The following DGKB variants were observed in gnomAD, a reference collection of about 807,000 sequenced individuals.
The protein encoded by DGKB is diacylglycerol kinase beta, also known as 90 kDa diacylglycerol kinase.
Under a neutral mutation model 114.3 loss-of-function variants are expected in DGKB, and 67 were observed. The ratio of observed to expected loss-of-function variants is 0.59; its 90% CI spans 0.48 to 0.72. The LOEUF is 0.72. Among genes scored for constraint, DGKB ranks in the 30% least tolerant of loss-of-function variants. DGKB has a pLI of 0.00. For synonymous variants in DGKB, 398 were observed against 323.1 expected, an observed-to-expected ratio of 1.23 and a Z score of -2.49; for missense variants, 907 against 975.2, an observed-to-expected ratio of 0.93 and a Z score of 0.93.
rs199980162 is a variant in DGKB, at chr7:14,334,011, CA to C, written c.2122+4503del. On this transcript the variant is annotated intron_variant, in intron 23 of 25. Transcript: ENST00000402815. ...AGTGTGCTTGATATATAAGCCAGTA[CA>C]AAATTATTATTAATATTTGGGGGAG... Among the ~76,000 whole-genome samples, 110 of 152,186 alleles carry C rather than the reference CA, an allele frequency of 7.2e-4. 2 individuals are homozygous for C. In the East Asian group the frequency reaches 0.021, roughly 29 times the overall value.
At chr7:14,600,263 C>A (rs1803303505) in intron 17 of DGKB, among the ~76,000 whole-genome samples, 1 of 152,074 alleles carries the variant, frequency 6.6e-6, no homozygotes, top group African/African-American at 2.4e-5. Context: ...GAGGGTAGAG[C>A]CCTCATAACC....
At chr7:14,472,870 A>G (rs557122118) in intron 21 of DGKB, among the ~76,000 whole-genome samples, 1 of 152,292 alleles carries the variant, frequency 6.6e-6, no homozygotes, top group Non-Finnish European at 1.5e-5. Flanking sequence ...GAGATGATTT[A>G]GGGTATCTGG....
At chr7:14,874,391 G>C (rs971357244) in intron 1 of DGKB, among the ~76,000 whole-genome samples, 8 of 151,952 alleles carry the variant, frequency 5.3e-5, no homozygotes, top group Non-Finnish European at 1.2e-4. Context: ...CCACATTTCA[G>C]ATTAATCCAC....
chr7:14,412,754 A>G (rs528931779), intron 21 of DGKB, among the ~76,000 whole-genome samples: 10 of 152,068 alleles, frequency 6.6e-5, no homozygotes, highest in Non-Finnish European at 1.3e-4. Flanking sequence ...AGCTGAGGGA[A>G]GTGGATCACC....
rs186982997 is a variant in DGKB, at chr7:14,306,613, G to C, written c.2122+31902C>G. ...GTACAGTAGATAATTGAAATAAAGTGTTCCCTGCATCCTTTGGCTCTGCGC... is the reference window on the plus strand; with the variant it reads ...GTACAGTAGATAATTGAAATAAAGTCTTCCCTGCATCCTTTGGCTCTGCGC... On this transcript the variant is annotated intron_variant, in intron 23 of 25. Coordinates refer to ENST00000402815, the MANE Select transcript of DGKB (RefSeq NM_001350709.2). Among the ~76,000 whole-genome samples, 237 of 152,044 alleles carry C rather than the reference G, an allele frequency of 1.6e-3. 1 individual carries two copies. The highest frequency in any genetic ancestry group is 5.4e-3 in the African/African-American group (226 of 41,504).
chr7:14,331,777 A>T (rs1350493475), intron 23 of DGKB, among the ~76,000 whole-genome samples: 1 of 152,148 alleles, frequency 6.6e-6, no homozygotes, highest in Non-Finnish European at 1.5e-5. Context: ...ACGTCAGCTC[A>T]TTTATTCTCT....
intron 25 of DGKB, chr7:14,175,862 TG>T (rs1781653334): frequency 6.6e-6 from 1 of 152,222 alleles, no homozygotes; most frequent in African/African-American, 2.4e-5. Flanking sequence ...TGAAGTGCGG[TG>T]GCACAATCTC....
intron 21 of DGKB, among the ~76,000 whole-genome samples, chr7:14,452,703 A>C (rs1177854838): frequency 3.3e-5 from 5 of 152,120 alleles, no homozygotes; most frequent in Non-Finnish European, 5.9e-5. Context: ...GCAAAAAGGA[A>C]ACAACTAATA....
rs1041724464 is a variant in DGKB at position 14,297,361 on chromosome 7, C to G, written c.2122+41154G>C. Among the ~76,000 whole-genome samples, 13 of 152,148 alleles carry G rather than the reference C, an allele frequency of 8.5e-5. 1 individual carries two copies. Among genetic ancestry groups the G allele is most frequent in the Admixed American group, 1.3e-4 (2 of 15,274 alleles). On this transcript the variant is annotated intron_variant, in intron 23 of 25. Transcript: ENST00000402815. The stretch of plus-strand genomic sequence containing the variant: ...CTTCAAAAAGCGTATTCACCACAGT[C>G]AAGTCAGTTGCATCCCTGGGATGCA...
intron 23 of DGKB, among the ~76,000 whole-genome samples, chr7:14,272,364 C>A (rs1269380340): frequency 6.6e-6 from 1 of 151,988 alleles, no homozygotes; most frequent in African/African-American, 2.4e-5. Context: ...TCATTATTAG[C>A]AATACATATA....
At chr7:14,523,223 C>T (rs1215670506) in intron 20 of DGKB, among the ~76,000 whole-genome samples, 3 of 152,254 alleles carry the variant, frequency 2.0e-5, no homozygotes, top group South Asian at 2.1e-4. Context: ...AAACTTTTCT[C>T]GGCAGTCATA....
chr7:14,438,791 A>G (rs897898458), intron 21 of DGKB, among the ~76,000 whole-genome samples: 55 of 152,172 alleles, frequency 3.6e-4, no homozygotes, highest in African/African-American at 1.3e-3. Context: ...TAAAAGAAGC[A>G]GATAATTAAG....
chr7:14,163,217 TGGA>T (rs1784156407), intron 25 of DGKB, among the ~76,000 whole-genome samples: 1 of 152,200 alleles, frequency 6.6e-6, no homozygotes, highest in East Asian at 1.9e-4. Context: ...GCAAATTAAT[TGGA>T]AATTAGTCAC....
At chr7:14,260,074 C>A (rs1796528183) in intron 23 of DGKB, among the ~76,000 whole-genome samples, 1 of 142,310 alleles carries the variant, frequency 7.0e-6, no homozygotes, top group African/African-American at 2.7e-5. Context: ...ACATATACAT[C>A]CCTACATATG....
At chr7:14,956,290 G>A (rs1421144749) in intron 1 of DGKB, among the ~76,000 whole-genome samples, 1 of 151,878 alleles carries the variant, frequency 6.6e-6, no homozygotes, top group African/African-American at 2.4e-5. Context: ...AAACCAGAAT[G>A]AATCTTGCCC....
At chr7:14,793,494 C>T (rs569540088) in intron 2 of DGKB, among the ~76,000 whole-genome samples, 6 of 152,196 alleles carry the variant, frequency 3.9e-5, no homozygotes, top group African/African-American at 1.4e-4. Flanking sequence ...GCTCCTGAGC[C>T]TCAGGATCTT....
intron 22 of DGKB, among the ~76,000 whole-genome samples, chr7:14,341,617 A>T (rs1356859215): frequency 6.6e-6 from 1 of 151,942 alleles, no homozygotes; most frequent in Admixed American, 6.6e-5. Context: ...CTGTGATGCC[A>T]TTGTCTGCTC....
chr7:14,744,859 C>T (rs935485945), intron 4 of DGKB, among the ~76,000 whole-genome samples: 1 of 152,112 alleles, frequency 6.6e-6, no homozygotes. Flanking sequence ...CTACATTTTA[C>T]ATTAACCCTC....
intron 20 of DGKB, among the ~76,000 whole-genome samples, chr7:14,554,018 A>G (rs1250816930): frequency 2.6e-5 from 4 of 151,728 alleles, no homozygotes; most frequent in Non-Finnish European, 4.4e-5. Flanking sequence ...GACTACAGGC[A>G]ACCGTCACCA....
Sources: allele counts gnomAD v4.1 joint callset (sites outside exome capture counted in the v4.1 genomes callset), GRCh38; gene constraint gnomAD v4.1.1; transcripts MANE v1.5; gene names NCBI Gene and HGNC (gene_info 2026-07-23, HGNC 2026-07-21).